Variants in NRG1 observed in about 807,000 individuals in gnomAD.
NRG1 encodes neuregulin 1, also known as pro-neuregulin-1, membrane-bound isoform.
A neutral mutation model predicts 63.8 loss-of-function variants in NRG1; 18 were observed. The ratio of observed to expected loss-of-function variants is 0.28; its 90% CI spans 0.19 to 0.42. The LOEUF is 0.42. NRG1 is among the 10% of genes least tolerant of loss of function. The pLI, the probability that NRG1 is intolerant of heterozygous loss-of-function variation, is 1.00. For synonymous variants in NRG1, 302 were observed against 301.3 expected (o/e 1.00, Z -0.02); for missense variants, 762 against 814.7 (o/e 0.94, Z 0.79).
chr8:31,798,529 AC>A (rs1347083737), intron 1 of NRG1, among the ~76,000 whole-genome samples: 2 of 152,116 alleles, frequency 1.3e-5, no homozygotes, highest in African/African-American at 4.8e-5. Flanking sequence ...GAGAATCTTG[AC>A]CTCCTTTCAG....
chr8:32,412,420 C>CATATATATATATATATATGTATATATATA (rs1815116027), intron 1 of NRG1, among the ~76,000 whole-genome samples: 1 of 41,818 alleles, frequency 2.4e-5, no homozygotes, highest in African/African-American at 7.2e-5. Flanking sequence ...CTCTCTCTCT[C>CATATATATATATATATATGTATATATATA]TACATATATA....
intron 1 of NRG1, among the ~76,000 whole-genome samples, chr8:32,100,801 C>T (rs1830474874): frequency 6.6e-6 from 1 of 152,148 alleles, no homozygotes; most frequent in Admixed American, 6.6e-5. Context: ...GTCAGAGATG[C>T]TGCAGTTGCT....
chr8:32,126,466 G>A (rs191105118), intron 1 of NRG1, among the ~76,000 whole-genome samples: 2 of 151,888 alleles, frequency 1.3e-5, no homozygotes, highest in African/African-American at 4.8e-5. Flanking sequence ...CTCCCAAAGA[G>A]TACCAAGGGA....
intron 1 of NRG1, among the ~76,000 whole-genome samples, chr8:31,805,865 T>C (rs1398509155): frequency 1.3e-5 from 2 of 149,624 alleles, no homozygotes; most frequent in Non-Finnish European, 3.0e-5. Context: ...GAATACCATC[T>C]CTACTCTCAA....
chr8:32,463,869 G>C, intron 1 of NRG1, among the ~76,000 whole-genome samples: 1 of 69,232 alleles, frequency 1.4e-5, no homozygotes, highest in Admixed American at 1.5e-4. Context: ...AAAAAACTTA[G>C]AATTCTTTTT....
intron 1 of NRG1, among the ~76,000 whole-genome samples, chr8:32,153,795 A>G (rs184757015): frequency 1.8e-3 from 268 of 152,324 alleles, no homozygotes; most frequent in Middle Eastern, 3.4e-3. Context: ...TCTTTGTTGG[A>G]TATCAAAAGA....
At chr8:32,275,526 G>A (rs185835460) in intron 1 of NRG1, among the ~76,000 whole-genome samples, 1 of 152,256 alleles carries the variant, frequency 6.6e-6, no homozygotes, top group Admixed American at 6.5e-5. Context: ...AGACGGAGCT[G>A]AAGGAAGGGA....
At chr8:32,590,929 AT>A (rs1367926986) in intron 1 of NRG1, among the ~76,000 whole-genome samples, 2 of 152,182 alleles carry the variant, frequency 1.3e-5, no homozygotes, top group Non-Finnish European at 2.9e-5. Context: ...GTTTGAAAAA[AT>A]ATCCATAAAG....
chr8:32,470,892 G>T (rs1217460710), intron 1 of NRG1, among the ~76,000 whole-genome samples: 2 of 151,924 alleles, frequency 1.3e-5, no homozygotes, highest in African/African-American at 2.4e-5. Flanking sequence ...CAAATTCCTG[G>T]ACTCAAGCTA....
chr8:31,964,815 T>A (rs538990341), intron 1 of NRG1, among the ~76,000 whole-genome samples: 1 of 152,280 alleles, frequency 6.6e-6, no homozygotes, highest in African/African-American at 2.4e-5. Flanking sequence ...CTGAGCCACA[T>A]AAAAATTAAG....
chr8:32,169,673 C>G (rs1460729521), intron 1 of NRG1, among the ~76,000 whole-genome samples: 1 of 152,138 alleles, frequency 6.6e-6, no homozygotes, highest in East Asian at 1.9e-4. Context: ...AGCCCACTTT[C>G]TGGTCCAAAG....
At chr8:32,559,345 G>T (rs1835902842) in intron 1 of NRG1, among the ~76,000 whole-genome samples, 1 of 149,218 alleles carries the variant, frequency 6.7e-6, no homozygotes, top group Middle Eastern at 3.4e-3. Context: ...GACAAATTAA[G>T]CCAATGGTGG....
intron 1 of NRG1, among the ~76,000 whole-genome samples, chr8:31,832,249 G>GTTTTTTTTTTTTTTTTTTTTTTTTTTT (rs5890599): frequency 1.5e-5 from 2 of 136,142 alleles, no homozygotes; most frequent in Non-Finnish European, 1.6e-5. Context: ...AAATGCTCTA[G>GTTTTTTTTTTTTTTTTTTTTTTTTTTT]TTTTTTTTTT....
chr8:32,628,539 T>C (rs778420612), intron 5 of NRG1, among the ~76,000 whole-genome samples: 3 of 152,096 alleles, frequency 2.0e-5, no homozygotes, highest in Non-Finnish European at 4.4e-5. Context: ...GAAACGAAGA[T>C]AAGGTTTGGA....
chr8:32,359,592 T>C (rs1644088028), intron 1 of NRG1, among the ~76,000 whole-genome samples: 1 of 152,186 alleles, frequency 6.6e-6, no homozygotes, highest in African/African-American at 2.4e-5. Flanking sequence ...ATGTAAAATA[T>C]GCAGGATAAG....
At chr8:32,072,792 A>T (rs1042071317) in intron 1 of NRG1, among the ~76,000 whole-genome samples, 1 of 152,104 alleles carries the variant, frequency 6.6e-6, no homozygotes, top group Non-Finnish European at 1.5e-5. Context: ...TTTCTGAGAA[A>T]CCAGGAGTTT....
Position 32,596,008 on chromosome 8 carries a change from A to G in NRG1, c.278+3A>G, listed in dbSNP as rs760632678. On this transcript the variant is annotated splice_donor_region_variant and intron_variant, in intron 2 of 11. Coordinates refer to ENST00000356819, the Ensembl canonical transcript of NRG1. ...ATCAAGATACAAAAAAAGCCAGGGTAAGTATAATGCATAAAATAGTAGAGA... is the reference window on the plus strand; with the variant it reads ...ATCAAGATACAAAAAAAGCCAGGGTGAGTATAATGCATAAAATAGTAGAGA... 4 of 1,611,616 alleles carry G rather than the reference A, an allele frequency of 2.5e-6. No homozygotes were observed. The highest frequency in any genetic ancestry group is 2.2e-5 in the South Asian group (2 of 90,834).
At chr8:32,381,932 A>G (rs1467260465) in intron 1 of NRG1, among the ~76,000 whole-genome samples, 1 of 152,214 alleles carries the variant, frequency 6.6e-6, no homozygotes, top group African/African-American at 2.4e-5. Context: ...ATAGACATCT[A>G]AAAGTGAAAA....
intron 1 of NRG1, among the ~76,000 whole-genome samples, chr8:31,856,905 G>A (rs572990623): frequency 1.3e-5 from 2 of 152,290 alleles, no homozygotes; most frequent in South Asian, 4.1e-4. Context: ...GCTGGGGGAT[G>A]CCTCCCAGTT....
Sources: allele counts gnomAD v4.1 joint callset (sites outside exome capture counted in the v4.1 genomes callset), GRCh38; gene constraint gnomAD v4.1.1; transcripts MANE v1.5; gene names NCBI Gene and HGNC (gene_info 2026-07-23, HGNC 2026-07-21).